Variants in CREB5 observed in about 807,000 individuals in gnomAD.
CREB5 encodes the protein cyclic AMP-responsive element-binding protein 5.
Under a neutral mutation model 57.1 loss-of-function variants are expected in CREB5, and 19 were observed. The ratio of observed to expected loss-of-function variants is 0.33; its 90% confidence interval spans 0.23 to 0.49. The LOEUF is 0.49. Ranked by LOEUF, CREB5 falls within the 20% of genes least tolerant of loss-of-function variation. CREB5 has a pLI of 0.99. For synonymous variants in CREB5, 238 were observed against 238.3 expected, an observed-to-expected ratio of 1.00 and a Z score of 0.01; for missense variants, 579 against 671.6, an observed-to-expected ratio of 0.86 and a Z score of 1.52.
intron 10 of CREB5, 60 bp from the exon 11 acceptor site, chr7:28,819,055 CA>C: frequency 6.5e-7 from 1 of 1,537,426 alleles, no homozygotes; most frequent in Admixed American, 2.1e-5. Context: ...CAAGTCCATA[CA>C]AAAAAGACCT....
intron 7 of CREB5, among the ~76,000 whole-genome samples, chr7:28,746,666 A>G (rs1804698168): frequency 6.6e-6 from 1 of 152,180 alleles, no homozygotes; most frequent in Admixed American, 6.5e-5. Flanking sequence ...CTTCCTATCA[A>G]GTCCTTTTGC....
At chr7:28,359,204 G>A (rs1051579482) in intron 1 of CREB5, among the ~76,000 whole-genome samples, 5 of 139,674 alleles carry the variant, frequency 3.6e-5, no homozygotes, top group African/African-American at 1.1e-4. Context: ...CCAAAAAAGC[G>A]AATACACACA....
intron 1 of CREB5, among the ~76,000 whole-genome samples, chr7:28,359,403 C>A (rs1405774532): frequency 6.6e-6 from 1 of 152,128 alleles, no homozygotes; most frequent in Non-Finnish European, 1.5e-5. Context: ...TGTGAAAGTA[C>A]TTTGTAAATC....
chr7:28,627,812 A>G (rs997977827), intron 5 of CREB5, among the ~76,000 whole-genome samples: 2 of 151,984 alleles, frequency 1.3e-5, no homozygotes, highest in Non-Finnish European at 2.9e-5. Context: ...ATTAGAAATT[A>G]TTTTCATGAC....
intron 1 of CREB5, among the ~76,000 whole-genome samples, chr7:28,315,667 C>T (rs956655264): frequency 2.6e-5 from 4 of 152,320 alleles, no homozygotes; most frequent in South Asian, 2.1e-4. Context: ...CTCGTCCCGA[C>T]GCGTTGGAAA....
intron 5 of CREB5, among the ~76,000 whole-genome samples, chr7:28,638,036 A>G (rs1798493050): frequency 6.6e-6 from 1 of 152,176 alleles, no homozygotes; most frequent in African/African-American, 2.4e-5. Flanking sequence ...CGTTAGCTAC[A>G]GAGACTCTTT....
intron 1 of CREB5, among the ~76,000 whole-genome samples, chr7:28,381,862 A>G (rs1304640391): frequency 6.6e-6 from 1 of 152,248 alleles, no homozygotes; most frequent in Non-Finnish European, 1.5e-5. Context: ...CCAGAGCAAC[A>G]GAACTGACAG....
At chr7:28,565,641 C>T (rs1253953752) in intron 4 of CREB5, among the ~76,000 whole-genome samples, 1 of 152,128 alleles carries the variant, frequency 6.6e-6, no homozygotes, top group Non-Finnish European at 1.5e-5. Context: ...TGAAATTATG[C>T]CCTCTGGCTG....
intron 9 of CREB5, 22 bp downstream of exon 9, chr7:28,809,436 C>T (rs775957844): frequency 1.8e-5 from 29 of 1,578,512 alleles, no homozygotes; most frequent in Middle Eastern, 4.2e-4. Context: ...GGTGTCTTTC[C>T]CCGCGACTCA....
At chr7:28,632,956 T>C (rs937019140) in intron 5 of CREB5, among the ~76,000 whole-genome samples, 7 of 152,232 alleles carry the variant, frequency 4.6e-5, no homozygotes, top group African/African-American at 1.2e-4. Context: ...TATTATATCA[T>C]GGGCACTCGA....
At chr7:28,737,579 AT>A (rs1562606884) in intron 7 of CREB5, among the ~76,000 whole-genome samples, 374 of 26,592 alleles carry the variant, frequency 0.014, 11 homozygotes, top group Middle Eastern at 0.079. Context: ...ATATATATAT[AT>A]ATATATATTT....
intron 5 of CREB5, among the ~76,000 whole-genome samples, chr7:28,705,078 C>T (rs566932765): frequency 6.6e-6 from 1 of 152,290 alleles, no homozygotes; most frequent in African/African-American, 2.4e-5. Context: ...AAAAACCAAG[C>T]TATCGGCTGG....
At chr7:28,744,777 TA>T (rs1804601869) in intron 7 of CREB5, among the ~76,000 whole-genome samples, 1 of 152,246 alleles carries the variant, frequency 6.6e-6, no homozygotes, top group Non-Finnish European at 1.5e-5. Flanking sequence ...AGCAGTTTCC[TA>T]AACTGAAGAT....
intron 4 of CREB5, among the ~76,000 whole-genome samples, chr7:28,557,727 A>G (rs1794933567): frequency 6.6e-6 from 1 of 152,194 alleles, no homozygotes; most frequent in East Asian, 1.9e-4. Context: ...ATATGTGGGA[A>G]GAAGCCTTCC....
intron 5 of CREB5, among the ~76,000 whole-genome samples, chr7:28,643,324 A>G (rs988259758): frequency 3.9e-5 from 6 of 152,174 alleles, no homozygotes; most frequent in African/African-American, 9.7e-5. Flanking sequence ...TATTTGTCCA[A>G]GGTCACCGAC....
chr7:28,365,084 T>G (rs1786559868), intron 1 of CREB5, among the ~76,000 whole-genome samples: 1 of 152,154 alleles, frequency 6.6e-6, no homozygotes, highest in South Asian at 2.1e-4. Context: ...CCATTCCACC[T>G]CACCATCAAT....
chr7:28,344,643 A>G (rs759888949), intron 1 of CREB5, among the ~76,000 whole-genome samples: 2 of 152,132 alleles, frequency 1.3e-5, no homozygotes, highest in Non-Finnish European at 2.9e-5. Context: ...ACAAAATGGC[A>G]GTAGTAAGTT....
intron 1 of CREB5, among the ~76,000 whole-genome samples, chr7:28,456,919 T>C (rs1371374593): frequency 6.6e-6 from 1 of 152,198 alleles, no homozygotes; most frequent in African/African-American, 2.4e-5. Context: ...ATATTACAGA[T>C]GGGTAATTTA....
At chr7:28,544,881 G>T (rs1433650670) in intron 4 of CREB5, among the ~76,000 whole-genome samples, 2 of 152,198 alleles carry the variant, frequency 1.3e-5, no homozygotes, top group African/African-American at 4.8e-5. Context: ...TGCAGAGGCT[G>T]CAAGAGAAAA....
Sources: gnomAD v4.1 joint callset for allele counts (sites outside exome capture counted in the v4.1 genomes callset) on GRCh38, gnomAD v4.1.1 for gene constraint, MANE v1.5 for transcripts, NCBI Gene and HGNC (gene_info 2026-07-23, HGNC 2026-07-21) for gene names.